Variants in PCNX3 observed in about 807,000 individuals in gnomAD.
PCNX3 encodes the protein pecanex 3.
Under a neutral mutation model 207.2 loss-of-function variants are expected in PCNX3, and 58 were observed. The observed-to-expected ratio is 0.28, with a 90% confidence interval of 0.23 to 0.35. The LOEUF is 0.35. Ranked by LOEUF, PCNX3 falls within the 10% of genes least tolerant of loss-of-function variation. The probability of loss-of-function intolerance (pLI) is 1.00; values close to 1 mark genes in which losing one functional copy is unlikely to be tolerated. For missense variants in PCNX3, 2,410 were observed against 2,774.4 expected (o/e 0.87, Z 2.95); for synonymous variants, 1,337 against 1,183.5 (o/e 1.13, Z -2.66).
Position 65,618,629 on chromosome 11 carries a change from G to A in PCNX3, c.1267G>A (p.Asp423Asn). 2 of 1,612,946 alleles carry A rather than the reference G, an allele frequency of 1.2e-6. No homozygotes were observed. Among genetic ancestry groups the A allele is most frequent in the Non-Finnish European group, 1.7e-6 (2 of 1,179,842 alleles). ...LEGGGFFEDE[D>N]TSEGSELSPA... is the part of the protein sequence containing the mutation. ...AGGTGGGGGCTTCTTTGAGGATGAA[G>A]ACACTAGTGAGGGCAGTGAACTGAG... The change falls in exon 6 of 35, where the codon GAC becomes AAC. Residue 423 changes from aspartate (D) to asparagine (N), a missense_variant. By Grantham distance (23) the Asp-to-Asn change is conservative. Around this residue, in one of 8 missense-constraint regions of PCNX3, gnomAD observed 1,104 missense variants for 970.3 expected, o/e 1.14. Transcript: ENST00000355703.
chr11:65,635,653 A>G lies in PCNX3; in HGVS notation c.5309A>G (p.Asn1770Ser). The G allele has an allele frequency of 6.2e-7, 1 of 1,611,788 alleles. No homozygotes were observed. Among genetic ancestry groups the G allele is most frequent in the Non-Finnish European group, 8.5e-7 (1 of 1,179,430 alleles). ...NAKQALRNMI[N>S]SSCDQPLGYP... is the part of the protein sequence containing the mutation. ...AAGCAGGCGCTTCGCAACATGATCA[A>G]CTCCTCCTGTGACCAGCCGCTGGGC... The change falls in exon 32 of 35, where the codon AAC (asparagine) becomes AGC (serine). Residue 1770 changes from asparagine to serine, a missense_variant. Physicochemically the swap from Asn to Ser is conservative, Grantham distance 46 (BLOSUM62 1). Coordinates refer to ENST00000355703, the MANE Select transcript of PCNX3 (RefSeq NM_032223.4). The surrounding 1 kb of genome is among the most constrained non-coding windows in gnomAD (Gnocchi z 9.9).
At chr11:65,631,380 A>G (rs898639193) in intron 27 of PCNX3, among the ~76,000 whole-genome samples, 3 of 152,138 alleles carry the variant, frequency 2.0e-5, no homozygotes, top group African/African-American at 7.2e-5. Context: ...GGCTTGGCCA[A>G]GCGTGGTGGC....
chr11:65,627,627 G>A, intron 22 of PCNX3, 45 bp downstream of exon 22: 3 of 1,593,668 alleles, frequency 1.9e-6, no homozygotes, highest in Non-Finnish European at 1.7e-6. Context: ...TCCAATGGGA[G>A]CAGAGCCAAC....
At position 65,619,802 on chromosome 11, in the gene PCNX3, G is replaced by A. The variant is rs746624341; in HGVS notation, c.1878G>A (p.Ala626=). 9 of 1,591,940 alleles carry A rather than the reference G, an allele frequency of 5.7e-6. No homozygotes were observed. Among genetic ancestry groups the A allele is most frequent in the South Asian group, 4.5e-5 (4 of 88,980 alleles). The change falls in exon 8 of 35, where the codon GCG becomes GCA. Residue 626 remains alanine (A), a synonymous_variant. Coordinates refer to ENST00000355703, the MANE Select transcript of PCNX3 (RefSeq NM_032223.4). ...QRGRAASHSR[A]LTLPSALHFA... ...GCCGGGCTGCCTCCCACTCCCGGGC[G>A]CTGACGCTGCCCTCTGCGCTGCATT...
chr11:65,624,920 C>T lies in PCNX3; in HGVS notation c.2828-5C>T, dbSNP rs778557636. The T allele has an allele frequency of 1.6e-5, 25 of 1,605,674 alleles. No homozygotes were observed. Among genetic ancestry groups the T allele is most frequent in the Non-Finnish European group, 2.1e-5 (25 of 1,177,792 alleles). Reference sequence around the variant, plus strand: ...AGCTGGGCTGTACTTCTCCCTTCCACACAGCTGCCACCAGCCCGCTCACGG... The same window carrying T: ...AGCTGGGCTGTACTTCTCCCTTCCATACAGCTGCCACCAGCCCGCTCACGG... On this transcript the variant is annotated splice_region_variant and splice_polypyrimidine_tract_variant and intron_variant, in intron 15 of 34. Transcript: ENST00000355703.
chr11:65,630,242 C>A, intron 26 of PCNX3, 109 bp from the exon 27 acceptor site: 1 of 1,456,450 alleles, frequency 6.9e-7, no homozygotes, highest in Non-Finnish European at 9.2e-7. Context: ...CCCTGGCGTC[C>A]AAGGGGGTGA....
At chr11:65,617,132 T>A in intron 2 of PCNX3, 118 bp from the exon 3 acceptor site, 1 of 1,377,774 alleles carries the variant, frequency 7.3e-7, no homozygotes, top group Non-Finnish European at 9.9e-7. Flanking sequence ...ACACTTGTCC[T>A]GTGTTAGCCC....
rs1332825571 is a variant in PCNX3 at position 65,621,269 on chromosome 11, G to A, written c.2235+303G>A. On this transcript the variant is annotated intron_variant, in intron 10 of 34. Transcript: ENST00000355703. Reference sequence around the variant, plus strand: ...GTTAATGATGATACTTGCGGAAGTGGCAGTGTTCTGTTAGCAAGCAGGGAC... The same window carrying A: ...GTTAATGATGATACTTGCGGAAGTGACAGTGTTCTGTTAGCAAGCAGGGAC... Among the ~76,000 whole-genome samples the A allele has an allele frequency of 2.0e-5, 3 of 152,204 alleles. No individual in the cohort carries two copies. In the East Asian group the frequency reaches 5.8e-4, roughly 29 times the overall value.
chr11:65,623,424 A>G, intron 11 of PCNX3, 67 bp from the exon 12 acceptor site: 2 of 1,502,386 alleles, frequency 1.3e-6, no homozygotes, highest in Non-Finnish European at 8.9e-7. Flanking sequence ...GGCAAGATCC[A>G]TCTTCCCCAC....
Position 65,636,981 on chromosome 11 carries a change from T to G in PCNX3, c.*3T>G. On this transcript the variant is annotated 3_prime_UTR_variant, in exon 35 of 35. Coordinates refer to ENST00000355703, the MANE Select transcript of PCNX3 (RefSeq NM_032223.4). ...CCCTGCTGGAACACCAGTACTGAGC[T>G]ACCTGGCGCCCACTGGACCACCTCC... 6.4e-7 allele frequency: 1 copy of G among 1,564,868 alleles called. No homozygotes were observed. The highest frequency in any genetic ancestry group is 8.6e-7 in the Non-Finnish European group (1 of 1,157,642).
In PCNX3 at chr11:65,619,015, C is replaced by T. The variant is rs1445263346; in HGVS notation, c.1653C>T (p.Ala551=). 2.5e-6 allele frequency: 4 copies of T among 1,596,118 alleles called. No individual in the cohort carries two copies. Among genetic ancestry groups the T allele is most frequent in the Non-Finnish European group, 2.5e-6 (3 of 1,178,206 alleles). The part of the protein sequence containing the change: ...LPAEARRGPA[A]NQPGWRGELQ... ...CTGAGGCGCGAAGGGGACCCGCTGC[C>T]AACCAGCCCGGCTGGCGGGGGGAGC... is the stretch of plus-strand genomic sequence containing the variant. Residue 551 remains alanine (A), a synonymous_variant, in exon 6 of 35, where the codon GCC becomes GCT. Coordinates refer to ENST00000355703, the MANE Select transcript of PCNX3 (RefSeq NM_032223.4).
intron 32 of PCNX3, 68 bp from the exon 33 acceptor site, chr11:65,636,106 T>A: frequency 9.1e-6 from 14 of 1,545,568 alleles, no homozygotes; most frequent in Non-Finnish European, 1.1e-5. Context: ...GGCTGAGGAC[T>A]CATGCTTGTG....
At position 65,625,527 on chromosome 11, in the gene PCNX3, T is replaced by TG. The variant is rs1565163495; in HGVS notation, c.3135+22dup. 5 of 911,340 alleles carry TG rather than the reference T, an allele frequency of 5.5e-6. No homozygotes were observed. The highest frequency in any genetic ancestry group is 5.0e-5 in the East Asian group (1 of 19,868). The allele number at this position is 911,340 out of a possible 1,614,324, so 56.5% of individuals were successfully genotyped here. ...CAGTCGGTGGTGAGGGGGCGGGGGG[T>TG]GGGGGTCTGTGGGGAGGTGGTGACA... On this transcript the variant is annotated intron_variant, in intron 18 of 34. Coordinates refer to ENST00000355703, the MANE Select transcript of PCNX3 (RefSeq NM_032223.4). This position sits in a 1 kb window ranked among gnomAD's most constrained non-coding sequence, Gnocchi z 5.6.
chr11:65,637,025 C>T lies in PCNX3; in HGVS notation c.*47C>T, dbSNP rs1323126017. 2.0e-6 allele frequency: 3 copies of T among 1,517,646 alleles called. No individual in the cohort carries two copies. Among genetic ancestry groups the T allele is most frequent in the Non-Finnish European group, 2.7e-6 (3 of 1,129,250 alleles). 94.0% of individuals were successfully genotyped at this position (1,517,646 alleles called of 1,614,324 possible). ...CACCTCCTAGGATTCAGTAACGGACCTGCTCTGCTGCCTCTCTGCTGGACC... is the reference window on the plus strand; with the variant it reads ...CACCTCCTAGGATTCAGTAACGGACTTGCTCTGCTGCCTCTCTGCTGGACC... On this transcript the variant is annotated 3_prime_UTR_variant, in exon 35 of 35. Coordinates refer to ENST00000355703, the MANE Select transcript of PCNX3 (RefSeq NM_032223.4).
At chr11:65,631,329 G>A (rs373260825) in intron 27 of PCNX3, among the ~76,000 whole-genome samples, 10 of 152,198 alleles carry the variant, frequency 6.6e-5, no homozygotes, top group African/African-American at 2.4e-4. Context: ...CCCTTGAGAA[G>A]TGGGGGTTAT....
chr11:65,634,754 G>T, intron 29 of PCNX3, 113 bp downstream of exon 29: 6 of 1,216,198 alleles, frequency 4.9e-6, no homozygotes, highest in South Asian at 4.3e-5. Context: ...GGCCCTTCCT[G>T]TTGGGGTACC....
At chr11:65,634,383 A>G (rs1343350724) in intron 28 of PCNX3, 27 bp downstream of exon 28, 2 of 1,550,412 alleles carry the variant, frequency 1.3e-6, no homozygotes, top group Admixed American at 3.8e-5. Context: ...TGAGGCTGCC[A>G]CCTGGGGCTG....
rs1168335870 is a variant in PCNX3, at chr11:65,630,394, T to C, written c.4260T>C (p.Gly1420=). ...GCGAGGTGGAGGCTATCACCGAGGG[T>C]GTGGAGGAGGACGAGGGCTGTTGCT... ...QQREVEAITE[G]VEEDEGCCCC... is the part of the protein sequence containing the mutation. The change falls in exon 27 of 35, where the codon GGT becomes GGC. Residue 1420 remains glycine (G), a synonymous_variant. Transcript: ENST00000355703. The C allele has an allele frequency of 1.2e-6, 2 of 1,612,978 alleles. No homozygotes were observed. The highest frequency in any genetic ancestry group is 1.3e-5 in the African/African-American group (1 of 74,814).
In PCNX3 at chr11:65,635,144, G is replaced by A; in HGVS notation, c.4953+24G>A. 2 of 1,609,578 alleles carry A rather than the reference G, an allele frequency of 1.2e-6. No homozygotes were observed. The highest frequency in any genetic ancestry group is 1.7e-6 in the Non-Finnish European group (2 of 1,177,124). On this transcript the variant is annotated intron_variant, in intron 30 of 34. Transcript: ENST00000355703. This position sits in a 1 kb window ranked among gnomAD's most constrained non-coding sequence, Gnocchi z 9.9. ...AGGTTGGGGAGGGGTGTGCCCAGCA[G>A]CATGGGCAGGTGGGGGATGAAGCCT...
Sources: gnomAD v4.1 joint callset for allele counts (sites outside exome capture counted in the v4.1 genomes callset) on GRCh38, gnomAD v4.1.1 for gene constraint, gnomAD v4.1.1 regional missense constraint, Gnocchi (gnomAD v3.1) non-coding constraint, MANE v1.5 for transcripts, NCBI Gene and HGNC (gene_info 2026-07-23, HGNC 2026-07-21) for gene names.